Variants in MOV10L1 observed in about 807,000 individuals in gnomAD.
MOV10L1 encodes the protein Mov10 like RNA helicase 1, also known as RNA helicase Mov10l1.
A neutral mutation model predicts 143.8 loss-of-function variants in MOV10L1; 110 were observed. The observed-to-expected ratio is 0.76, with a 90% CI of 0.66 to 0.90. The LOEUF is 0.90. MOV10L1 is among the 40% of genes least tolerant of loss of function. The pLI, the probability that MOV10L1 is intolerant of heterozygous loss-of-function variation, is 0.00. For synonymous variants in MOV10L1, 593 were observed against 581.1 expected (o/e 1.02, Z -0.29); for missense variants, 1,406 against 1,526.8 (o/e 0.92, Z 1.32).
intron 3 of MOV10L1, among the ~76,000 whole-genome samples, chr22:50,102,252 A>G (rs1267238399): frequency 2.0e-5 from 3 of 152,236 alleles, no homozygotes; most frequent in Non-Finnish European, 4.4e-5. Flanking sequence ...AGAAAATACA[A>G]TGTGCAAAAA....
chr22:50,141,019 G>T (rs978101191), intron 15 of MOV10L1, among the ~76,000 whole-genome samples: 1 of 151,456 alleles, frequency 6.6e-6, no homozygotes, highest in African/African-American at 2.4e-5. Context: ...ACTTACATTG[G>T]AACACACAGA....
At chr22:50,134,693 C>A (rs1427551562) in intron 15 of MOV10L1, 63 bp downstream of exon 15, 1 of 1,442,970 alleles carries the variant, frequency 6.9e-7, no homozygotes, top group Non-Finnish European at 9.7e-7. Context: ...GCTGTCTTTA[C>A]ATAGGGGGTG....
At chr22:50,132,686 T>C (rs537848212) in intron 13 of MOV10L1, among the ~76,000 whole-genome samples, 1 of 152,360 alleles carries the variant, frequency 6.6e-6, no homozygotes, top group East Asian at 1.9e-4. Flanking sequence ...ATAGCTCCAG[T>C]AGCTTCTCCT....
intron 19 of MOV10L1, among the ~76,000 whole-genome samples, chr22:50,146,759 A>G (rs1003147617): frequency 6.6e-6 from 1 of 152,192 alleles, no homozygotes; most frequent in African/African-American, 2.4e-5. Flanking sequence ...GCAAAGGCAC[A>G]GCCAGCCACG....
chr22:50,143,090 C>G lies in MOV10L1; in HGVS notation c.2227C>G (p.Pro743Ala), dbSNP rs763094800. The change falls in exon 17 of 27, where the codon CCA becomes GCA. Residue 743 changes from proline to alanine, a missense_variant. This residue lies in a region of MOV10L1 where 1,233 missense variants were observed against 1,351.4 expected (regional missense o/e 0.91). Coordinates refer to ENST00000262794, the MANE Select transcript of MOV10L1 (RefSeq NM_018995.3). ...AGCAAGAAAGATGGAGTTTTTCAAC[C>G]CAGTGCTAAATGAAAATCAGAAGTT... Reference protein sequence around the residue: ...PKARKMEFFNPVLNENQKLAV... With the variant: ...PKARKMEFFNAVLNENQKLAV... 3 of 1,614,118 alleles carry G rather than the reference C, an allele frequency of 1.9e-6. No homozygotes were observed. Among genetic ancestry groups the G allele is most frequent in the Non-Finnish European group, 1.7e-6 (2 of 1,180,012 alleles).
In MOV10L1 at chr22:50,158,259, C is replaced by G; in HGVS notation, c.3216+53C>G. 1.2e-6 allele frequency: 2 copies of G among 1,605,182 alleles called. No individual in the cohort carries two copies. The highest frequency in any genetic ancestry group is 8.5e-7 in the Non-Finnish European group (1 of 1,174,488). On this transcript the variant is annotated intron_variant, in intron 23 of 26. Coordinates refer to ENST00000262794, the MANE Select transcript of MOV10L1 (RefSeq NM_018995.3). The surrounding 1 kb of genome is among the most constrained non-coding windows in gnomAD (Gnocchi z 5.0). ...CTGTGAGGTCCCTGCAGCCCTGCTC[C>G]TTGGCTCCTGCAGCTCCACAGAGGC...
intron 12 of MOV10L1, among the ~76,000 whole-genome samples, chr22:50,127,209 A>G (rs4838841): frequency 0.22 from 34,147 of 151,968 alleles, 4,208 homozygotes; most frequent in Admixed American, 0.35. Context: ...TTTGCATACC[A>G]AAACCTCCAA....
chr22:50,106,437 A>C (rs1299342383), intron 3 of MOV10L1, among the ~76,000 whole-genome samples: 1 of 151,050 alleles, frequency 6.6e-6, no homozygotes, highest in African/African-American at 2.4e-5. Context: ...AAGTGCTAGA[A>C]ATCTTTACTA....
In MOV10L1 at chr22:50,157,081, T is replaced by C. The variant is rs77854221; in HGVS notation, c.3067-976T>C. ...AGTGAGGTGTAGCTCACTGTAGTTT[T>C]GATTTGCATTTCCCTAATGATTTGT... is the stretch of plus-strand genomic sequence containing the variant. On this transcript the variant is annotated intron_variant, in intron 22 of 26. Transcript: ENST00000262794. Among the ~76,000 whole-genome samples the C allele has an allele frequency of 2.1e-3, 319 of 152,310 alleles. 2 individuals are homozygous for C. The highest frequency in any genetic ancestry group is 7.6e-3 in the African/African-American group (314 of 41,570).
At chr22:50,107,235 C>T (rs1430921192) in intron 3 of MOV10L1, among the ~76,000 whole-genome samples, 1 of 150,252 alleles carries the variant, frequency 6.7e-6, no homozygotes, top group Admixed American at 6.6e-5. Flanking sequence ...CCACCGCTCC[C>T]AGCTAATTTT....
In MOV10L1 at chr22:50,144,237, C is replaced by A. The variant is rs139092160; in HGVS notation, c.2499C>A (p.Phe833Leu). 1.4e-5 allele frequency: 22 copies of A among 1,600,222 alleles called. No homozygotes were observed. The highest frequency in any genetic ancestry group is 1.7e-5 in the Non-Finnish European group (20 of 1,169,924). Residue 833 changes from phenylalanine to leucine, a missense_variant, in exon 18 of 27, where the codon TTC (phenylalanine) becomes TTA (leucine). Around this residue, in one of 3 missense-constraint regions of MOV10L1, gnomAD observed 1,233 missense variants for 1,351.4 expected, o/e 0.91. Coordinates refer to ENST00000262794, the MANE Select transcript of MOV10L1 (RefSeq NM_018995.3). ...TCCGGGTGAACGCCACCTGCAGGTT[C>A]GAGGAGGTGAGCCCTTGGTGCAAGC... ...TMVRVNATCR[F>L]EEIVIDAVKP... is the part of the protein sequence containing the mutation.
At chr22:50,114,008 T>C (rs993389010) in intron 6 of MOV10L1, among the ~76,000 whole-genome samples, 1 of 140,376 alleles carries the variant, frequency 7.1e-6, no homozygotes, top group Non-Finnish European at 1.5e-5. Context: ...AAGCTCCGCC[T>C]CCCGGGTTCA....
intron 15 of MOV10L1, among the ~76,000 whole-genome samples, chr22:50,137,159 A>G (rs529507840): frequency 6.6e-6 from 1 of 152,206 alleles, no homozygotes; most frequent in Non-Finnish European, 1.5e-5. Flanking sequence ...AAAAGTGAAA[A>G]ACGTAACCCA....
intron 3 of MOV10L1, among the ~76,000 whole-genome samples, chr22:50,101,856 A>G (rs1250211207): frequency 1.3e-5 from 2 of 152,036 alleles, no homozygotes; most frequent in Non-Finnish European, 2.9e-5. Context: ...TGAAATTGAT[A>G]GGTGTCTATT....
At position 50,105,009 on chromosome 22, in the gene MOV10L1, A is replaced by C. The variant is rs1340827654; in HGVS notation, c.443-3127A>C. Among the ~76,000 whole-genome samples, 2 of 151,490 alleles carry C rather than the reference A, an allele frequency of 1.3e-5. 1 individual carries two copies. Among genetic ancestry groups the C allele is most frequent in the Non-Finnish European group, 2.9e-5 (2 of 67,942 alleles). Reference sequence around the variant, plus strand: ...TGGGCTCAAGCAGTCCTCCCACCTCAGCCTCCCTAGTAGCTGGGACTACAT... The same window carrying C: ...TGGGCTCAAGCAGTCCTCCCACCTCCGCCTCCCTAGTAGCTGGGACTACAT... On this transcript the variant is annotated intron_variant, in intron 3 of 26. Transcript: ENST00000262794.
chr22:50,147,185 TCTCTCA>T, intron 19 of MOV10L1: 2 of 1,481,674 alleles, frequency 1.3e-6, no homozygotes, highest in South Asian at 1.2e-5. Flanking sequence ...GGCAGGCCGC[TCTCTCA>T]GAGGCACTCT....
intron 22 of MOV10L1, among the ~76,000 whole-genome samples, chr22:50,154,403 T>C (rs77102045): frequency 6.9e-6 from 1 of 145,220 alleles, no homozygotes. Context: ...TAAAAAAAAA[T>C]TTTTTTTTTT....
chr22:50,099,532 G>C lies in MOV10L1; in HGVS notation c.372G>C (p.Val124=), dbSNP rs190821816. The C allele has an allele frequency of 2.5e-6, 4 of 1,614,194 alleles. No homozygotes were observed. The highest frequency in any genetic ancestry group is 3.4e-6 in the Non-Finnish European group (4 of 1,180,038). Residue 124 remains valine (V), a synonymous_variant, in exon 3 of 27, where the codon GTG becomes GTC. Coordinates refer to ENST00000262794, the MANE Select transcript of MOV10L1 (RefSeq NM_018995.3). ...GCCCCCGAGTGTTGATTGGCTGTGT[G>C]ACTTCCCTGGTGGAGGGCGCAGGCT... ...DCGPRVLIGC[V]TSLVEGAGCI...
intron 20 of MOV10L1, 41 bp downstream of exon 20, chr22:50,149,755 C>G (rs144016647): frequency 1.3e-6 from 2 of 1,555,772 alleles, no homozygotes; most frequent in Admixed American, 3.5e-5. Flanking sequence ...CTCCTCACCC[C>G]GTTCTCCTGA....
Sources: allele counts gnomAD v4.1 joint callset (sites outside exome capture counted in the v4.1 genomes callset), GRCh38; gene constraint gnomAD v4.1.1; regional missense constraint gnomAD v4.1.1; non-coding constraint Gnocchi (gnomAD v3.1); transcripts MANE v1.5; gene names NCBI Gene and HGNC (gene_info 2026-07-23, HGNC 2026-07-21).